PXDNL: variants seen among roughly 807,000 people sequenced by gnomAD.
PXDNL encodes the protein peroxidasin like.
A neutral mutation model predicts 150.8 loss-of-function variants in PXDNL; 145 were observed. The ratio of observed to expected loss-of-function variants is 0.96; its 90% CI spans 0.84 to 1.10. PXDNL has a LOEUF of 1.10. PXDNL is among the 50% of genes least tolerant of loss of function. The pLI is 0.00. For missense variants in PXDNL, 2,087 were observed against 1,873.9 expected (o/e 1.11, Z -2.10); for synonymous variants, 757 against 725.7 (o/e 1.04, Z -0.69).
intron 17 of PXDNL, among the ~76,000 whole-genome samples, chr8:51,381,177 C>T (rs1300455433): frequency 6.6e-6 from 1 of 152,134 alleles, no homozygotes; most frequent in Non-Finnish European, 1.5e-5. Flanking sequence ...TTTGCATTCC[C>T]TAAATGACTC....
At chr8:51,658,383 G>A (rs74321066) in intron 1 of PXDNL, among the ~76,000 whole-genome samples, 45 of 143,300 alleles carry the variant, frequency 3.1e-4, no homozygotes, top group South Asian at 4.3e-4. Flanking sequence ...GAAAAAAAAA[G>A]AAAAAAAAGT....
chr8:51,537,326 G>C (rs1303894892), intron 4 of PXDNL, among the ~76,000 whole-genome samples: 1 of 152,100 alleles, frequency 6.6e-6, no homozygotes, highest in Admixed American at 6.5e-5. Flanking sequence ...TAAGACAAAA[G>C]TTTTCACTAA....
At chr8:51,574,356 A>G (rs75628597) in intron 3 of PXDNL, among the ~76,000 whole-genome samples, 335 of 152,104 alleles carry the variant, frequency 2.2e-3, no homozygotes, top group African/African-American at 7.7e-3. Flanking sequence ...AGTAGATATT[A>G]CTCAATCTGA....
At chr8:51,625,274 A>G (rs1327662609) in intron 2 of PXDNL, among the ~76,000 whole-genome samples, 1 of 151,886 alleles carries the variant, frequency 6.6e-6, no homozygotes, top group African/African-American at 2.4e-5. Context: ...GCAAGCTAAG[A>G]CTCTTTCTTC....
intron 3 of PXDNL, among the ~76,000 whole-genome samples, chr8:51,574,185 T>C (rs1173493548): frequency 1.3e-5 from 2 of 151,904 alleles, no homozygotes; most frequent in Non-Finnish European, 2.9e-5. Flanking sequence ...AAATAACTTT[T>C]TTAAACCAGC....
chr8:51,743,421 C>A (rs2036928570), intron 1 of PXDNL, among the ~76,000 whole-genome samples: 1 of 151,942 alleles, frequency 6.6e-6, no homozygotes, highest in African/African-American at 2.4e-5. Context: ...CTCTGTCCCC[C>A]AGGCTGCAGT....
chr8:51,637,465 C>T (rs973683402), intron 2 of PXDNL, among the ~76,000 whole-genome samples: 8 of 152,218 alleles, frequency 5.3e-5, no homozygotes, highest in Admixed American at 1.3e-4. Flanking sequence ...AAAGATTAGA[C>T]GAATGGCTAA....
intron 1 of PXDNL, among the ~76,000 whole-genome samples, chr8:51,773,249 T>C (rs12676345): frequency 0.18 from 27,306 of 152,170 alleles, 2,854 homozygotes; most frequent in Non-Finnish European, 0.22. Context: ...TTTCTTACCC[T>C]CCTGCCCACG....
chr8:51,721,984 C>T (rs1585701191), intron 1 of PXDNL: 3 of 229,300 alleles, frequency 1.3e-5, no homozygotes, highest in Non-Finnish European at 2.7e-5. Context: ...ATATTCACCT[C>T]TTCAGTACCA....
rs543828422 is a variant in PXDNL at position 51,787,468 on chromosome 8, C to A, written c.164+21713G>T. ...AGTTTGTTGGAAGTGCATTTTAACC[C>A]TCGGGGATGACTTAGAGGGGTTCAA... is the stretch of plus-strand genomic sequence containing the variant. On this transcript the variant is annotated intron_variant, in intron 1 of 22. Coordinates refer to ENST00000356297, the MANE Select transcript of PXDNL (RefSeq NM_144651.5). Among the ~76,000 whole-genome samples, 198 of 152,232 alleles carry A rather than the reference C, an allele frequency of 1.3e-3. 2 individuals carry two copies. The highest frequency in any genetic ancestry group is 1.6e-3 in the Non-Finnish European group (109 of 68,012).
chr8:51,577,999 GAGGAAGGAAGGA>G (rs200324232), intron 3 of PXDNL, among the ~76,000 whole-genome samples: 453 of 31,470 alleles, frequency 0.014, 16 homozygotes, highest in Middle Eastern at 0.032. Context: ...AAGAAAGAAA[GAGGAAGGAAGGA>G]AGGAAGGAAG....
chr8:51,744,948 GAAA>G (rs1268439399), intron 1 of PXDNL, among the ~76,000 whole-genome samples: 418 of 6,308 alleles, frequency 0.066, 20 homozygotes, highest in East Asian at 0.5. Context: ...AAGAAAGAAA[GAAA>G]GAAAGAAAGA....
At chr8:51,785,945 CT>C (rs2037456889) in intron 1 of PXDNL, among the ~76,000 whole-genome samples, 1 of 152,188 alleles carries the variant, frequency 6.6e-6, no homozygotes, top group African/African-American at 2.4e-5. Flanking sequence ...AGCCCTCACT[CT>C]CTTCAATTTT....
intron 17 of PXDNL, among the ~76,000 whole-genome samples, chr8:51,389,852 T>C (rs1485209868): frequency 6.6e-6 from 1 of 152,194 alleles, no homozygotes; most frequent in Admixed American, 6.5e-5. Context: ...ATTAGTCAAA[T>C]GCCTTATAAA....
At chr8:51,419,437 T>G (rs1808888873) in intron 14 of PXDNL, among the ~76,000 whole-genome samples, 1 of 152,218 alleles carries the variant, frequency 6.6e-6, no homozygotes, top group Non-Finnish European at 1.5e-5. Flanking sequence ...AGAAATTCTA[T>G]GCCAAGAAAT....
At chr8:51,633,797 G>C (rs1027401717) in intron 2 of PXDNL, among the ~76,000 whole-genome samples, 1 of 152,116 alleles carries the variant, frequency 6.6e-6, no homozygotes, top group Admixed American at 6.6e-5. Context: ...AGAAGTGTCT[G>C]TTCATGTTCT....
intron 19 of PXDNL, among the ~76,000 whole-genome samples, chr8:51,371,447 A>G (rs528100140): frequency 6.7e-4 from 102 of 152,352 alleles, no homozygotes; most frequent in Middle Eastern, 6.8e-3. Context: ...ATTTCCTTGT[A>G]CTTCCAATGA....
At chr8:51,637,405 G>A (rs1814629053) in intron 2 of PXDNL, among the ~76,000 whole-genome samples, 1 of 152,116 alleles carries the variant, frequency 6.6e-6, no homozygotes, top group Non-Finnish European at 1.5e-5. Flanking sequence ...ACTTACCTGA[G>A]ATAAAGGACT....
At chr8:51,489,997 G>C (rs1304336419) in intron 5 of PXDNL, among the ~76,000 whole-genome samples, 1 of 152,126 alleles carries the variant, frequency 6.6e-6, no homozygotes. Context: ...CTAATGAAAA[G>C]CCAGTTCAAA....
Sources: gnomAD v4.1 joint callset for allele counts (sites outside exome capture counted in the v4.1 genomes callset) on GRCh38, gnomAD v4.1.1 for gene constraint, MANE v1.5 for transcripts, NCBI Gene and HGNC (gene_info 2026-07-23, HGNC 2026-07-21) for gene names.